Variants in CHLSN observed in about 807,000 individuals in gnomAD.
CHLSN encodes cholesin, also known as protein cholesin.
chr7:1,013,802 A>G, the CHLSN span, among the ~76,000 whole-genome samples: 1 of 152,246 alleles, frequency 6.6e-6, no homozygotes, highest in South Asian at 2.1e-4. Flanking sequence ...ATGCTAGGAC[A>G]GTCTTCAGCA....
chr7:1,136,185 TATAA>T, the CHLSN span, among the ~76,000 whole-genome samples: 4 of 107,802 alleles, frequency 3.7e-5, no homozygotes, highest in African/African-American at 1.3e-4. Flanking sequence ...TATACATAAT[TATAA>T]ATATATACAC....
the CHLSN span, among the ~76,000 whole-genome samples, chr7:1,029,649 G>A: frequency 1.3e-5 from 2 of 152,208 alleles, no homozygotes; most frequent in East Asian, 1.9e-4. Context: ...GTTCCAGGGC[G>A]AGGAGAGGCT....
the CHLSN span, among the ~76,000 whole-genome samples, chr7:1,103,010 C>T: frequency 6.6e-6 from 1 of 152,212 alleles, no homozygotes; most frequent in Non-Finnish European, 1.5e-5. Flanking sequence ...TAGACCCCGA[C>T]CCCTTACCCG....
At chr7:1,013,306 T>G in the CHLSN span, among the ~76,000 whole-genome samples, 1 of 152,230 alleles carries the variant, frequency 6.6e-6, no homozygotes, top group African/African-American at 2.4e-5. Flanking sequence ...AACTTGACAC[T>G]ATCACATAGA....
the CHLSN span, among the ~76,000 whole-genome samples, chr7:1,033,424 G>A: frequency 6.6e-6 from 1 of 152,090 alleles, no homozygotes; most frequent in East Asian, 1.9e-4. Context: ...CGGGTGTGGT[G>A]GGTTATGCCT....
At chr7:1,120,129 A>C in the CHLSN span, among the ~76,000 whole-genome samples, 1 of 152,176 alleles carries the variant, frequency 6.6e-6, no homozygotes, top group African/African-American at 2.4e-5. Flanking sequence ...ATGAGACTAC[A>C]CCTATAAGAG....
At chr7:1,006,346 C>T in the CHLSN span, among the ~76,000 whole-genome samples, 2 of 151,308 alleles carry the variant, frequency 1.3e-5, no homozygotes, top group Non-Finnish European at 2.9e-5. Context: ...ACGACGGTCA[C>T]AGCACAGGGA....
chr7:1,002,230 T>G, the CHLSN span, among the ~76,000 whole-genome samples: 2 of 59,772 alleles, frequency 3.3e-5, no homozygotes, highest in African/African-American at 7.4e-5. Flanking sequence ...TGCGGGTGAG[T>G]GGAGTCCTGC....
chr7:1,099,383 A>G, the CHLSN span, among the ~76,000 whole-genome samples: 2 of 152,122 alleles, frequency 1.3e-5, no homozygotes, highest in Non-Finnish European at 2.9e-5. Flanking sequence ...CCAGCCCAAC[A>G]CTCCACACAC....
the CHLSN span, among the ~76,000 whole-genome samples, chr7:1,001,689 G>GGAGTCCTGCGGGTGGA: frequency 8.0e-6 from 1 of 125,602 alleles, no homozygotes; most frequent in Non-Finnish European, 1.7e-5. Flanking sequence ...CTGCGGGTGG[G>GGAGTCCTGCGGGTGGA]GAGTCCTGCG....
At chr7:1,063,478 T>C in the CHLSN span, among the ~76,000 whole-genome samples, 1 of 152,348 alleles carries the variant, frequency 6.6e-6, no homozygotes, top group Non-Finnish European at 1.5e-5. Context: ...TACAATTCAC[T>C]GGTCCACTCT....
At chr7:1,106,179 C>A in the CHLSN span, among the ~76,000 whole-genome samples, 2,583 of 152,322 alleles carry the variant, frequency 0.017, 94 homozygotes, top group East Asian at 0.17. Flanking sequence ...GCACACTGCC[C>A]GGCCGAGCAC....
chr7:1,057,138 TAA>T, the CHLSN span, among the ~76,000 whole-genome samples: 1 of 151,920 alleles, frequency 6.6e-6, no homozygotes, highest in Non-Finnish European at 1.5e-5. Flanking sequence ...AGACATCTAG[TAA>T]ACTTCGGGAA....
the CHLSN span, among the ~76,000 whole-genome samples, chr7:1,002,320 A>G: frequency 3.4e-4 from 20 of 58,544 alleles, 1 homozygote; most frequent in East Asian, 2.2e-3. Context: ...TGGGTAGGGA[A>G]TCCTGTGGGT....
At chr7:1,036,604 G>T in the CHLSN span, among the ~76,000 whole-genome samples, 1 of 152,154 alleles carries the variant, frequency 6.6e-6, no homozygotes, top group Non-Finnish European at 1.5e-5. Flanking sequence ...TGTGTCAGGA[G>T]GGTGTACATG....
At chr7:1,068,380 G>A in the CHLSN span, among the ~76,000 whole-genome samples, 2 of 152,190 alleles carry the variant, frequency 1.3e-5, no homozygotes, top group African/African-American at 4.8e-5. Flanking sequence ...CCGGCAGGGA[G>A]CAGGACAGCC....
the CHLSN span, among the ~76,000 whole-genome samples, chr7:1,071,651 CA>C: frequency 5.9e-5 from 9 of 152,186 alleles, no homozygotes; most frequent in African/African-American, 2.2e-4. Flanking sequence ...TCAGGAGACG[CA>C]AAGGCACCGG....
the CHLSN span, among the ~76,000 whole-genome samples, chr7:1,124,127 A>G: frequency 5.9e-5 from 9 of 152,230 alleles, no homozygotes; most frequent in Non-Finnish European, 1.0e-4. Context: ...CTTGCTTTCC[A>G]GCTTTCTTTT....
chr7:1,016,691 GCGCATGC>G, the CHLSN span, among the ~76,000 whole-genome samples: 6 of 117,698 alleles, frequency 5.1e-5, no homozygotes, highest in African/African-American at 1.9e-4. Flanking sequence ...GGGCACAGCA[GCGCATGC>G]CAGCACACGC....
Sources: allele counts gnomAD v4.1 joint callset (sites outside exome capture counted in the v4.1 genomes callset), GRCh38; gene constraint gnomAD v4.1.1; transcripts MANE v1.5; gene names NCBI Gene and HGNC (gene_info 2026-07-23, HGNC 2026-07-21).